CUL1: variants seen among roughly 807,000 people sequenced by gnomAD.
The protein encoded by CUL1 is cullin-1.
CUL1 carries 24 observed loss-of-function variants against 118.0 expected under a neutral mutation model. The observed-to-expected ratio is 0.20, with a 90% CI of 0.15 to 0.29. The LOEUF is 0.29. Ranked by LOEUF, CUL1 falls within the 10% of genes least tolerant of loss-of-function variation. The probability of loss-of-function intolerance (pLI) is 1.00; values close to 1 mark genes in which losing one functional copy is unlikely to be tolerated. For synonymous variants in CUL1, 332 were observed against 340.4 expected (o/e 0.98, Z 0.27); for missense variants, 361 against 933.8 (o/e 0.39, Z 7.99).
intron 1 of CUL1, among the ~76,000 whole-genome samples, chr7:148,728,660 G>C (rs938329229): frequency 6.6e-6 from 1 of 152,162 alleles, no homozygotes; most frequent in Admixed American, 6.5e-5. Flanking sequence ...ATACCAATTC[G>C]AATGTAAGAC....
chr7:148,726,433 A>T (rs1798585802), intron 1 of CUL1, among the ~76,000 whole-genome samples: 1 of 152,002 alleles, frequency 6.6e-6, no homozygotes, highest in African/African-American at 2.4e-5. Context: ...ATCTGAGTAG[A>T]TTTAATACTG....
In CUL1 at chr7:148,730,041, C is replaced by T. The variant is rs1798705383; in HGVS notation, c.-82C>T. ...TGCTGTGAATAAATTTGGAATGGTA[C>T]TGTATATTTTCATCTAATGGAGAAC... On this transcript the variant is annotated 5_prime_UTR_variant, in exon 2 of 22. Coordinates refer to ENST00000325222, the MANE Select transcript of CUL1 (RefSeq NM_003592.3). 1 of 1,464,262 alleles carries T rather than the reference C, an allele frequency of 6.8e-7. No individual in the cohort carries two copies. Among genetic ancestry groups the T allele is most frequent in the South Asian group, 1.3e-5 (1 of 75,688 alleles). 90.7% of individuals were successfully genotyped at this position (1,464,262 alleles called of 1,614,324 possible).
At chr7:148,776,315 T>C (rs1467855759) in intron 9 of CUL1, among the ~76,000 whole-genome samples, 1 of 109,622 alleles carries the variant, frequency 9.1e-6, no homozygotes, top group Non-Finnish European at 1.9e-5. Context: ...GGCTTTTTTT[T>C]TTTTTTTTTT....
intron 2 of CUL1, among the ~76,000 whole-genome samples, chr7:148,745,386 T>C (rs1799280478): frequency 6.6e-6 from 1 of 152,214 alleles, no homozygotes. Context: ...CATTTTCCTG[T>C]TTCTTTTACA....
chr7:148,719,267 C>T (rs1798321026), intron 1 of CUL1, among the ~76,000 whole-genome samples: 1 of 151,676 alleles, frequency 6.6e-6, no homozygotes, highest in Non-Finnish European at 1.5e-5. Flanking sequence ...GCCAAGATTG[C>T]GCCACTGCAC....
intron 16 of CUL1, among the ~76,000 whole-genome samples, chr7:148,790,995 A>T (rs1800985264): frequency 6.6e-6 from 1 of 152,170 alleles, no homozygotes; most frequent in Non-Finnish European, 1.5e-5. Context: ...TATGTAGCTG[A>T]GCCAAAATTT....
chr7:148,759,511 A>G (rs1186234549), intron 5 of CUL1, 37 bp from the exon 6 acceptor site: 24 of 1,413,380 alleles, frequency 1.7e-5, no homozygotes, highest in Middle Eastern at 1.8e-4. Context: ...ATCATATTCT[A>G]TAACCTGTGT....
At chr7:148,794,395 T>TA (rs1219966766) in intron 17 of CUL1, among the ~76,000 whole-genome samples, 11 of 152,222 alleles carry the variant, frequency 7.2e-5, no homozygotes, top group African/African-American at 2.7e-4. Flanking sequence ...TATATGGGTT[T>TA]ATTTCTGGAT....
chr7:148,735,207 T>C (rs891549165), intron 2 of CUL1, among the ~76,000 whole-genome samples: 3 of 152,254 alleles, frequency 2.0e-5, no homozygotes, highest in African/African-American at 4.8e-5. Context: ...TTTTGACGTT[T>C]AGTGATAAGG....
chr7:148,769,517 T>C (rs1314570758), intron 9 of CUL1, among the ~76,000 whole-genome samples: 1 of 151,542 alleles, frequency 6.6e-6, no homozygotes, highest in East Asian at 1.9e-4. Flanking sequence ...TAATATAAGG[T>C]GCCTTCCCAG....
chr7:148,739,375 T>C lies in CUL1; in HGVS notation c.140+9113T>C, dbSNP rs3807444. ...GTCATCAGAGCTATATAAGATCTGC[T>C]TTCACTCCTGCCTCTGCTGACTCAG... On this transcript the variant is annotated intron_variant, in intron 2 of 21. Transcript: ENST00000325222. Among the ~76,000 whole-genome samples the C allele has an allele frequency of 2.0e-5, 3 of 152,332 alleles. No individual in the cohort carries two copies. The East Asian group carries it at 5.8e-4, about 29-fold the overall frequency.
chr7:148,713,783 G>T (rs1032217629), intron 1 of CUL1, among the ~76,000 whole-genome samples: 1 of 152,158 alleles, frequency 6.6e-6, no homozygotes, highest in African/African-American at 2.4e-5. Flanking sequence ...GAGTGCAGTG[G>T]TGCAATCTCG....
At chr7:148,718,501 C>T (rs1481747221) in intron 1 of CUL1, among the ~76,000 whole-genome samples, 8 of 152,102 alleles carry the variant, frequency 5.3e-5, no homozygotes, top group African/African-American at 1.7e-4. Context: ...TTGCATCTGG[C>T]ATTCATTTAG....
chr7:148,751,551 A>C (rs243485), intron 2 of CUL1, among the ~76,000 whole-genome samples: 35,490 of 148,884 alleles, frequency 0.24, 4,943 homozygotes, highest in South Asian at 0.33. Flanking sequence ...AAAAAAAAAA[A>C]AAACCTCTCT....
At chr7:148,720,900 A>G (rs1798374951) in intron 1 of CUL1, among the ~76,000 whole-genome samples, 1 of 152,234 alleles carries the variant, frequency 6.6e-6, no homozygotes, top group South Asian at 2.1e-4. Context: ...AATCCTCAAC[A>G]GAGGTTTTTG....
At chr7:148,722,544 C>G (rs1368652569) in intron 1 of CUL1, among the ~76,000 whole-genome samples, 1 of 152,220 alleles carries the variant, frequency 6.6e-6, no homozygotes, top group Non-Finnish European at 1.5e-5. Flanking sequence ...GGTCCACCTC[C>G]TCCTCATGCG....
chr7:148,698,177 CG>C (rs1164185875), upstream of CUL1: 6 of 152,272 alleles, frequency 3.9e-5, no homozygotes, highest in Non-Finnish European at 7.3e-5. Flanking sequence ...TGAGGTTCCT[CG>C]GAAGTCCGCG....
Position 148,725,219 on chromosome 7 carries a change from G to GCACGCACACACACACA in CUL1, c.-161-4742_-161-4741insACGCACACACACACAC. Among the ~76,000 whole-genome samples the GCACGCACACACACACA allele has an allele frequency of 8.6e-5, 12 of 140,150 alleles. 1 individual carries two copies. Among genetic ancestry groups the GCACGCACACACACACA allele is most frequent in the African/African-American group, 3.4e-4 (12 of 35,430 alleles). 91.9% of individuals were successfully genotyped at this position (140,150 alleles called of 152,430 possible). A position where few individuals can be genotyped will look rare whatever the true frequency, so the allele number is the denominator to read the frequency against. On this transcript the variant is annotated intron_variant, in intron 1 of 21. Coordinates refer to ENST00000325222, the MANE Select transcript of CUL1 (RefSeq NM_003592.3). ...CGTGTACACACACACACACGCGCGC[G>GCACGCACACACACACA]CTCACACACACACACACACACACAC...
chr7:148,770,255 T>C (rs1201047722), intron 9 of CUL1, among the ~76,000 whole-genome samples: 1 of 152,250 alleles, frequency 6.6e-6, no homozygotes, highest in Non-Finnish European at 1.5e-5. Context: ...TTTTAAACAA[T>C]GCTTGTGTTA....
Sources: allele counts gnomAD v4.1 joint callset (sites outside exome capture counted in the v4.1 genomes callset), GRCh38; gene constraint gnomAD v4.1.1; transcripts MANE v1.5; gene names NCBI Gene and HGNC (gene_info 2026-07-23, HGNC 2026-07-21).